Variants in SLC22A13 observed in about 807,000 individuals in gnomAD.
SLC22A13 encodes organic anion transporter 10.
SLC22A13 carries 42 observed loss-of-function variants against 49.1 expected under a neutral mutation model. The ratio of observed to expected loss-of-function variants is 0.85; its 90% CI spans 0.67 to 1.11. SLC22A13 has a LOEUF of 1.11. Among genes scored for constraint, SLC22A13 ranks in the 50% least tolerant of loss-of-function variants. The pLI is 0.00. For missense variants in SLC22A13, 694 were observed against 712.8 expected (o/e 0.97, Z 0.30); for synonymous variants, 282 against 293.1 (o/e 0.96, Z 0.39).
intron 1 of SLC22A13, chr3:38,270,407 T>G (rs1002652366): frequency 1.9e-5 from 4 of 215,968 alleles, no homozygotes; most frequent in Non-Finnish European, 4.0e-5. Context: ...AGTAGAGGGA[T>G]CATTCTCTGA....
chr3:38,277,513 C>T lies in SLC22A13; in HGVS notation c.*48C>T. 1.4e-6 allele frequency: 2 copies of T among 1,421,280 alleles called. No homozygotes were observed. The highest frequency in any genetic ancestry group is 2.0e-6 in the Non-Finnish European group (2 of 1,010,494). 88.0% of individuals were successfully genotyped at this position (1,421,280 alleles called of 1,614,324 possible). A position where few individuals can be genotyped will look rare whatever the true frequency, so the allele number is the denominator to read the frequency against. ...CATCAGCAGCAGGGAGCTGCCTAAA[C>T]ACCTCCTTGGATATGGCCAGGACCC... On this transcript the variant is annotated 3_prime_UTR_variant, in exon 10 of 10. Transcript: ENST00000311856.
chr3:38,265,946 A>C lies in SLC22A13; in HGVS notation c.86A>C (p.Asn29Thr). 1 of 1,614,112 alleles carries C rather than the reference A, an allele frequency of 6.2e-7. No homozygotes were observed. The highest frequency in any genetic ancestry group is 8.5e-7 in the Non-Finnish European group (1 of 1,180,006). Residue 29 changes from asparagine (N) to threonine (T), a missense_variant, in exon 1 of 10, where the codon AAC becomes ACC. Asn to Thr is a moderately conservative substitution (Grantham distance 65). Transcript: ENST00000311856. ...CTATTGATCCTGCTGTGTGTTCTCA[A>C]CTTCCTGTCTCCCTTCTACTTTTTT... is the stretch of plus-strand genomic sequence containing the variant. ...IQLLILLCVL[N>T]FLSPFYFFAH...
chr3:38,277,899 T>C lies in SLC22A13; in HGVS notation c.*434T>C, dbSNP rs1447645116. On this transcript the variant is annotated 3_prime_UTR_variant, in exon 10 of 10. Transcript: ENST00000311856. ...GAGGGGAGAGGAAACAAATGTGAAG[T>C]TGTGGACTCTACCCAGGCAGGTGGA... 1 of 154,426 alleles carries C rather than the reference T, an allele frequency of 6.5e-6. No homozygotes were observed. Among genetic ancestry groups the C allele is most frequent in the African/African-American group, 2.4e-5 (1 of 41,486 alleles). The allele number at this position is 154,426 out of a possible 1,614,324, so 9.6% of individuals were successfully genotyped here.
intron 3 of SLC22A13, 104 bp from the exon 4 acceptor site, chr3:38,274,885 T>G: frequency 6.5e-7 from 1 of 1,549,736 alleles, no homozygotes; most frequent in East Asian, 2.3e-5. Context: ...GCACTGGTGC[T>G]TCCTGTGTTG....
chr3:38,276,412 G>T lies in SLC22A13; in HGVS notation c.1346+17G>T. On this transcript the variant is annotated intron_variant, in intron 8 of 9. Coordinates refer to ENST00000311856, the MANE Select transcript of SLC22A13 (RefSeq NM_004256.4). Reference sequence around the variant, plus strand: ...CATCCTCCGGTAAGAGCTGCAGTGTGACTCCTGCTCCTCTGCTACTGAGAT... The same window carrying T: ...CATCCTCCGGTAAGAGCTGCAGTGTTACTCCTGCTCCTCTGCTACTGAGAT... The T allele has an allele frequency of 1.3e-6, 2 of 1,517,124 alleles. No individual in the cohort carries two copies. The highest frequency in any genetic ancestry group is 1.8e-6 in the Non-Finnish European group (2 of 1,096,296). 94.0% of individuals were successfully genotyped at this position (1,517,124 alleles called of 1,614,324 possible).
At position 38,275,068 on chromosome 3, in the gene SLC22A13, G is replaced by C; in HGVS notation, c.717G>C (p.Val239=). The part of the protein sequence containing the change: ...AQCNFSLGQM[V]LAGLAYGFRN... ...GCAACTTCTCCCTCGGGCAGATGGT[G>C]CTTGCGGGACTCGCCTACGGTTTCC... Residue 239 remains valine, a synonymous_variant, in exon 4 of 10, where the codon GTG becomes GTC. Coordinates refer to ENST00000311856, the MANE Select transcript of SLC22A13 (RefSeq NM_004256.4). 6.2e-7 allele frequency: 1 copy of C among 1,614,254 alleles called. No individual in the cohort carries two copies. Among genetic ancestry groups the C allele is most frequent in the African/African-American group, 1.3e-5 (1 of 75,070 alleles).
Position 38,276,387 on chromosome 3 carries a change from C to G in SLC22A13, c.1338C>G (p.Thr446=), listed in dbSNP as rs575127424. The change falls in exon 8 of 10, where the codon ACC becomes ACG. Residue 446 remains threonine, a synonymous_variant. Coordinates refer to ENST00000311856, the MANE Select transcript of SLC22A13 (RefSeq NM_004256.4). ...TGTACTCTGCCGAGCTTTTCCCCAC[C>G]ATCCTCCGGTAAGAGCTGCAGTGTG... ...SYVYSAELFP[T]ILRQTGMGLV... The G allele has an allele frequency of 2.5e-6, 4 of 1,608,038 alleles. No homozygotes were observed. The highest frequency in any genetic ancestry group is 2.7e-5 in the African/African-American group (2 of 74,900).
Position 38,275,297 on chromosome 3 carries a change from G to A in SLC22A13, c.807-73G>A. The A allele has an allele frequency of 1.2e-6, 2 of 1,603,420 alleles. 1 individual carries two copies. Among genetic ancestry groups the A allele is most frequent in the South Asian group, 2.2e-5 (2 of 90,526 alleles). ...CTGTCACAGCTGGGTGTGGGGTTCA[G>A]TTTGCACTGGAACAAGCTGGAAAGC... On this transcript the variant is annotated intron_variant, in intron 4 of 9. Coordinates refer to ENST00000311856, the MANE Select transcript of SLC22A13 (RefSeq NM_004256.4).
At chr3:38,270,652 A>AT (rs1173228603) in intron 1 of SLC22A13, 3 of 166,688 alleles carry the variant, frequency 1.8e-5, no homozygotes, top group African/African-American at 7.1e-5. Flanking sequence ...CCATGACCAC[A>AT]TAGTTGTTAG....
chr3:38,275,216 TGC>T, intron 4 of SLC22A13, 59 bp downstream of exon 4: 1 of 1,601,640 alleles, frequency 6.2e-7, no homozygotes, highest in East Asian at 2.2e-5. Context: ...GTGGTGGGGT[TGC>T]AGTGCAGCAC....
rs1703554534 is a variant in SLC22A13 at position 38,274,523 on chromosome 3, C to T, written c.483-81C>T. 26 of 1,522,642 alleles carry T rather than the reference C, an allele frequency of 1.7e-5. No individual in the cohort carries two copies. The South Asian group carries it at 3.1e-4, about 18-fold the overall frequency. 94.3% of individuals were successfully genotyped at this position (1,522,642 alleles called of 1,614,324 possible). ...TGGGGCTCAGACAGAGACCCCAGGA[C>T]AGGGCTGGGCCCCCTTGCGGCCTTC... On this transcript the variant is annotated intron_variant, in intron 2 of 9. Transcript: ENST00000311856.
chr3:38,268,577 A>G (rs1703486746), intron 1 of SLC22A13, among the ~76,000 whole-genome samples: 1 of 152,254 alleles, frequency 6.6e-6, no homozygotes, highest in East Asian at 1.9e-4. Context: ...AGTGTATTTC[A>G]GAAGGTGCAT....
rs1318915787 is a variant in SLC22A13 at position 38,266,020 on chromosome 3, T to TG, written c.163dup (p.Val55GlyfsTer12). On this transcript the variant is annotated frameshift_variant, in exon 1 of 10. Transcript: ENST00000311856. LOFTEE classifies it high-confidence loss of function. Reference sequence around the variant, plus strand: ...TGAGCCCCACCACTGTGCAGTGGCTTGGGTGAAGAACCACACTTTCAACCT... The same window carrying TG: ...TGAGCCCCACCACTGTGCAGTGGCTTGGGGTGAAGAACCACACTTTCAACCT... 6.8e-6 allele frequency: 11 copies of TG among 1,614,078 alleles called. No individual in the cohort carries two copies. The African/African-American group carries it at 1.5e-4, about 22-fold the overall frequency.
At position 38,277,035 on chromosome 3, in the gene SLC22A13, C is replaced by T. The variant is rs149252089; in HGVS notation, c.1470C>T (p.Ile490=). The part of the protein sequence containing the change: ...LPMLIYGSLP[I]VAGLLCTLLP... ...TGCTCATCTACGGCAGCCTCCCCAT[C>T]GTGGCCGGCCTGCTGTGCACCCTGC... Residue 490 remains isoleucine (I), a synonymous_variant, in exon 9 of 10, where the codon ATC becomes ATT. Transcript: ENST00000311856. The T allele has an allele frequency of 3.6e-5, 58 of 1,601,456 alleles. No individual in the cohort carries two copies. The highest frequency in any genetic ancestry group is 2.7e-4 in the South Asian group (24 of 88,886).
intron 1 of SLC22A13, among the ~76,000 whole-genome samples, chr3:38,266,473 C>A (rs570077171): frequency 6.6e-6 from 1 of 152,222 alleles, no homozygotes; most frequent in Non-Finnish European, 1.5e-5. Flanking sequence ...ATTTTTTGCC[C>A]ATCCTTCTGT....
intron 2 of SLC22A13, 44 bp downstream of exon 2, chr3:38,274,419 AG>A: frequency 6.4e-7 from 1 of 1,554,574 alleles, no homozygotes; most frequent in Non-Finnish European, 8.9e-7. Context: ...CAAGCTCGTC[AG>A]CTCTGGCACA....
intron 3 of SLC22A13, 86 bp downstream of exon 3, chr3:38,274,844 T>A: frequency 1.9e-6 from 3 of 1,539,936 alleles, no homozygotes; most frequent in Non-Finnish European, 2.6e-6. Context: ...CCTGTGGAGG[T>A]CTTTTCAGGT....
rs73825503 is a variant in SLC22A13 at position 38,274,463 on chromosome 3, C to T, written c.482+88C>T. 13,975 of 1,431,002 alleles carry T rather than the reference C, an allele frequency of 9.8e-3. 672 individuals are homozygous for T. In the African/African-American group the frequency reaches 0.13, roughly 13 times the overall value. 88.6% of individuals were successfully genotyped at this position (1,431,002 alleles called of 1,614,324 possible). A position where few individuals can be genotyped will look rare whatever the true frequency, so the allele number is the denominator to read the frequency against. ...GTCCCCCTTATGCCCCTTACACTGG[C>T]CTTTAGGCAAGGCCCTCTTCCCCCT... On this transcript the variant is annotated intron_variant, in intron 2 of 9. Transcript: ENST00000311856.
At chr3:38,272,585 T>C (rs1703533598) in intron 1 of SLC22A13, among the ~76,000 whole-genome samples, 1 of 152,222 alleles carries the variant, frequency 6.6e-6, no homozygotes, top group Non-Finnish European at 1.5e-5. Flanking sequence ...AATCTGTGGC[T>C]GCTAGACAAA....
Sources: gnomAD v4.1 joint callset for allele counts (sites outside exome capture counted in the v4.1 genomes callset) on GRCh38, gnomAD v4.1.1 for gene constraint, MANE v1.5 for transcripts, NCBI Gene and HGNC (gene_info 2026-07-23, HGNC 2026-07-21) for gene names.